BMPER: variants seen among roughly 807,000 people sequenced by gnomAD.
The protein encoded by BMPER is BMP-binding endothelial regulator protein.
BMPER carries 45 observed loss-of-function variants against 87.3 expected under a neutral mutation model. That is an observed-to-expected ratio of 0.52 (90% confidence interval 0.41 to 0.66). BMPER has a LOEUF of 0.66. Among genes scored for constraint, BMPER ranks in the 30% least tolerant of loss-of-function variants. The pLI is 0.00. For synonymous variants in BMPER, 326 were observed against 316.2 expected (o/e 1.03, Z -0.33); for missense variants, 784 against 867.5 (o/e 0.90, Z 1.21).
At chr7:33,985,370 CATA>C (rs1785976968) in intron 6 of BMPER, among the ~76,000 whole-genome samples, 1 of 152,154 alleles carries the variant, frequency 6.6e-6, no homozygotes, top group Admixed American at 6.5e-5. Context: ...TTAAAAGCTA[CATA>C]ATATTTCCAT....
chr7:34,126,876 A>G (rs989675963), intron 13 of BMPER, among the ~76,000 whole-genome samples: 1 of 152,198 alleles, frequency 6.6e-6, no homozygotes, highest in Admixed American at 6.5e-5. Context: ...TTTAAAAAAA[A>G]TGTCCAAATT....
At chr7:33,922,221 G>A (rs1176937632) in intron 2 of BMPER, among the ~76,000 whole-genome samples, 4 of 152,098 alleles carry the variant, frequency 2.6e-5, no homozygotes, top group African/African-American at 9.7e-5. Flanking sequence ...GAATTAGCCT[G>A]GCATTCCATT....
intron 13 of BMPER, among the ~76,000 whole-genome samples, chr7:34,098,315 C>T (rs1332442628): frequency 6.6e-6 from 1 of 152,096 alleles, no homozygotes; most frequent in Non-Finnish European, 1.5e-5. Context: ...TCCCACCATG[C>T]ACAGGAGGGA....
intron 6 of BMPER, among the ~76,000 whole-genome samples, chr7:34,041,753 C>A (rs1787837895): frequency 6.6e-6 from 1 of 152,244 alleles, no homozygotes; most frequent in Admixed American, 6.5e-5. Flanking sequence ...CTTTTCTTCC[C>A]ACTTCCATCT....
intron 3 of BMPER, 148 bp from the exon 4 acceptor site, chr7:33,966,331 G>C: frequency 1.5e-6 from 1 of 688,222 alleles, no homozygotes; most frequent in East Asian, 2.9e-5. Context: ...AGGCTTAGTT[G>C]TGTTTTGGGG....
intron 13 of BMPER, among the ~76,000 whole-genome samples, chr7:34,112,278 A>G (rs1420186809): frequency 6.6e-6 from 1 of 151,732 alleles, no homozygotes; most frequent in African/African-American, 2.4e-5. Flanking sequence ...GCGGATCACA[A>G]GGTCAGGAGA....
At chr7:33,950,782 T>C (rs1425196456) in intron 3 of BMPER, among the ~76,000 whole-genome samples, 1 of 152,098 alleles carries the variant, frequency 6.6e-6, no homozygotes, top group East Asian at 1.9e-4. Context: ...ACAAAGTAGG[T>C]GTATCAGGGG....
intron 6 of BMPER, among the ~76,000 whole-genome samples, chr7:34,000,620 A>T (rs930366095): frequency 1.3e-5 from 2 of 152,136 alleles, no homozygotes; most frequent in African/African-American, 4.8e-5. Flanking sequence ...AGGGAAAAGT[A>T]TTAAAAAATA....
intron 11 of BMPER, among the ~76,000 whole-genome samples, chr7:34,063,600 A>T (rs1036802219): frequency 1.1e-4 from 16 of 152,254 alleles, no homozygotes; most frequent in Non-Finnish European, 1.9e-4. Context: ...AGGCCAATGA[A>T]GTACGACTTA....
At chr7:34,107,912 C>T (rs1005946504) in intron 13 of BMPER, among the ~76,000 whole-genome samples, 1 of 152,106 alleles carries the variant, frequency 6.6e-6, no homozygotes, top group Admixed American at 6.6e-5. Context: ...ACCTCAATCT[C>T]CTTATCTATA....
At chr7:34,149,157 G>T (rs1166369550) in intron 14 of BMPER, among the ~76,000 whole-genome samples, 2 of 152,124 alleles carry the variant, frequency 1.3e-5, no homozygotes, top group Non-Finnish European at 2.9e-5. Context: ...TCAACTGCGG[G>T]TACTTGTCAC....
At chr7:33,974,865 A>C (rs1186092984) in intron 6 of BMPER, 81 bp downstream of exon 6, 6 of 1,344,344 alleles carry the variant, frequency 4.5e-6, no homozygotes, top group Non-Finnish European at 6.4e-6. Context: ...CCCGGTCTCT[A>C]CAGCCTCTCT....
intron 11 of BMPER, among the ~76,000 whole-genome samples, chr7:34,068,211 A>C (rs954395582): frequency 2.6e-5 from 4 of 152,180 alleles, no homozygotes; most frequent in Non-Finnish European, 5.9e-5. Flanking sequence ...CAGTTGAGGG[A>C]ACTGAGGCTT....
At chr7:33,917,001 C>CAGTTT (rs1784101806) in intron 2 of BMPER, among the ~76,000 whole-genome samples, 2 of 152,086 alleles carry the variant, frequency 1.3e-5, no homozygotes, top group Non-Finnish European at 1.5e-5. Flanking sequence ...TGAATGTAAT[C>CAGTTT]ACATTTGAAA....
rs60667742 is a variant in BMPER, at chr7:33,919,923, A to ATATCTGTCTATC, written c.219+13025_219+13026insGTCTATCTATCT. Among the ~76,000 whole-genome samples the ATATCTGTCTATC allele has an allele frequency of 3.8e-3, 577 of 150,824 alleles. 5 individuals carry two copies. The highest frequency in any genetic ancestry group is 0.014 in the African/African-American group (553 of 40,940). On this transcript the variant is annotated intron_variant, in intron 2 of 14. Coordinates refer to ENST00000649409, the MANE Select transcript of BMPER (RefSeq NM_001365308.1). ...TTTATAAGGTTATGTATCTGTGTAC[A>ATATCTGTCTATC]TATCTATCTATCTATCTATCTATCT...
At chr7:34,017,473 A>G (rs1421221326) in intron 6 of BMPER, among the ~76,000 whole-genome samples, 2 of 151,786 alleles carry the variant, frequency 1.3e-5, no homozygotes, top group African/African-American at 2.4e-5. Flanking sequence ...AGCCTTATTC[A>G]CTATCATGAG....
At chr7:33,935,221 G>T (rs370237840) in intron 2 of BMPER, among the ~76,000 whole-genome samples, 2 of 152,166 alleles carry the variant, frequency 1.3e-5, no homozygotes, top group Non-Finnish European at 2.9e-5. Context: ...TCTGGGGAGC[G>T]TGGAGCCAGT....
chr7:34,028,622 T>TTTTTTTTTTTTTTTTTG (rs1787438498), intron 6 of BMPER, among the ~76,000 whole-genome samples: 1 of 135,762 alleles, frequency 7.4e-6, no homozygotes, highest in Non-Finnish European at 1.6e-5. Flanking sequence ...TTTTTTTTTT[T>TTTTTTTTTTTTTTTTTG]TTTTTTTTTT....
chr7:33,956,214 A>C (rs1445014175), intron 3 of BMPER, among the ~76,000 whole-genome samples: 1 of 152,242 alleles, frequency 6.6e-6, no homozygotes, highest in Non-Finnish European at 1.5e-5. Context: ...CTGTTCATAA[A>C]AATGAAAAAT....
Sources: allele counts gnomAD v4.1 joint callset (sites outside exome capture counted in the v4.1 genomes callset), GRCh38; gene constraint gnomAD v4.1.1; transcripts MANE v1.5; gene names NCBI Gene and HGNC (gene_info 2026-07-23, HGNC 2026-07-21).